The following ELMO1 variants were observed in gnomAD, a reference collection of about 807,000 sequenced individuals.
The protein encoded by ELMO1 is engulfment and cell motility 1.
In ELMO1, 26 loss-of-function variants were observed where a neutral mutation model predicts 98.9. The observed-to-expected ratio is 0.26, with a 90% CI of 0.19 to 0.36. The LOEUF is 0.36. ELMO1 is among the 10% of genes least tolerant of loss of function. The pLI is 1.00. For synonymous variants in ELMO1, 346 were observed against 346.0 expected (o/e 1.00, Z 0.00); for missense variants, 627 against 935.2 (o/e 0.67, Z 4.30).
At chr7:36,959,931 T>C (rs1170617065) in intron 16 of ELMO1, among the ~76,000 whole-genome samples, 2 of 152,184 alleles carry the variant, frequency 1.3e-5, no homozygotes, top group Non-Finnish European at 2.9e-5. Flanking sequence ...TCTGTCCACC[T>C]TGGCCTCCCA....
chr7:37,322,842 A>G (rs2717940), intron 2 of ELMO1, among the ~76,000 whole-genome samples: 148,060 of 152,198 alleles, frequency 0.97, 72,169 homozygotes, highest in Middle Eastern at 1. Context: ...TGGTATTGAG[A>G]CCAAATTATT....
At chr7:37,204,622 T>C (rs1467079296) in intron 13 of ELMO1, among the ~76,000 whole-genome samples, 1 of 152,230 alleles carries the variant, frequency 6.6e-6, no homozygotes, top group Non-Finnish European at 1.5e-5. Context: ...CTGCTTTTTT[T>C]TCCCTTCTTT....
intron 1 of ELMO1, among the ~76,000 whole-genome samples, chr7:37,373,347 C>T (rs947895075): frequency 3.9e-5 from 6 of 152,112 alleles, no homozygotes; most frequent in East Asian, 3.8e-4. Context: ...TGGCTCACAC[C>T]GGTAATCCCA....
intron 1 of ELMO1, among the ~76,000 whole-genome samples, chr7:37,399,750 T>C (rs973017892): frequency 2.6e-5 from 4 of 152,122 alleles, no homozygotes; most frequent in Admixed American, 6.6e-5. Context: ...TTAGGGGAGA[T>C]TACATGATCT....
chr7:36,952,964 CTTTTTTTTTTTT>C (rs70980904), intron 16 of ELMO1, among the ~76,000 whole-genome samples: 3 of 82,882 alleles, frequency 3.6e-5, no homozygotes, highest in South Asian at 4.1e-4. Flanking sequence ...AGTCACTACT[CTTTTTTTTTTTT>C]TTTTTTTTTT....
intron 21 of ELMO1, among the ~76,000 whole-genome samples, chr7:36,859,267 TAAATA>T (rs1352703960): frequency 6.6e-6 from 1 of 152,242 alleles, no homozygotes; most frequent in Non-Finnish European, 1.5e-5. Flanking sequence ...CATGGTTTAA[TAAATA>T]AATACCACAT....
chr7:36,874,329 T>C (rs1803772501), intron 19 of ELMO1, among the ~76,000 whole-genome samples: 1 of 152,256 alleles, frequency 6.6e-6, no homozygotes, highest in Admixed American at 6.5e-5. Flanking sequence ...GATCTTTCTC[T>C]ACTATTTACT....
intron 1 of ELMO1, among the ~76,000 whole-genome samples, chr7:37,367,239 A>C (rs930092058): frequency 1.3e-5 from 2 of 152,186 alleles, no homozygotes; most frequent in Non-Finnish European, 2.9e-5. Flanking sequence ...ACCTAATGCC[A>C]GTAAAATTGG....
chr7:37,362,379 C>T (rs978733638), intron 1 of ELMO1, among the ~76,000 whole-genome samples: 1 of 152,208 alleles, frequency 6.6e-6, no homozygotes, highest in Non-Finnish European at 1.5e-5. Context: ...GGGCCACCCA[C>T]TGTCCCCCAG....
intron 2 of ELMO1, among the ~76,000 whole-genome samples, chr7:37,338,388 G>A (rs1350237947): frequency 6.6e-6 from 1 of 152,146 alleles, no homozygotes; most frequent in Non-Finnish European, 1.5e-5. Context: ...CCTTTTGCCT[G>A]TGGGGAAACA....
At chr7:37,033,884 T>C (rs966957065) in intron 15 of ELMO1, among the ~76,000 whole-genome samples, 9 of 151,972 alleles carry the variant, frequency 5.9e-5, no homozygotes, top group African/African-American at 1.9e-4. Flanking sequence ...CAACAGAAGA[T>C]AAAGGGAGGA....
At chr7:37,208,003 G>A (rs1792735801) in intron 13 of ELMO1, among the ~76,000 whole-genome samples, 1 of 152,226 alleles carries the variant, frequency 6.6e-6, no homozygotes, top group Non-Finnish European at 1.5e-5. Context: ...GAAGGAATGT[G>A]ATGCCCATCT....
chr7:37,291,951 CACGGTCT>C (rs1562587206), intron 4 of ELMO1, among the ~76,000 whole-genome samples: 1 of 91,300 alleles, frequency 1.1e-5, no homozygotes, highest in Admixed American at 1.2e-4. Context: ...TCCCTCTGCC[CACGGTCT>C]CCCTCTCCCT....
At chr7:37,372,370 T>C (rs1802151543) in intron 1 of ELMO1, among the ~76,000 whole-genome samples, 2 of 152,090 alleles carry the variant, frequency 1.3e-5, no homozygotes, top group Admixed American at 1.3e-4. Context: ...GGCCTCAGTT[T>C]CCCCATTTGT....
At chr7:37,167,852 G>T (rs376492926) in intron 13 of ELMO1, among the ~76,000 whole-genome samples, 1 of 147,136 alleles carries the variant, frequency 6.8e-6, no homozygotes, top group Non-Finnish European at 1.5e-5. Flanking sequence ...TCTTTGTGGC[G>T]TTCTCTGTAT....
intron 1 of ELMO1, among the ~76,000 whole-genome samples, chr7:37,440,018 A>G (rs1805330699): frequency 6.6e-6 from 1 of 152,136 alleles, no homozygotes; most frequent in Non-Finnish European, 1.5e-5. Flanking sequence ...TCACACACAC[A>G]TATATGTACA....
At chr7:37,222,793 C>A (rs763348755) in intron 9 of ELMO1, 100 bp from the exon 10 acceptor site, 3 of 1,035,288 alleles carry the variant, frequency 2.9e-6, no homozygotes, top group South Asian at 3.0e-5. Flanking sequence ...CCCCCTCCCC[C>A]CAAAAAAAGT....
intron 15 of ELMO1, among the ~76,000 whole-genome samples, chr7:37,086,330 C>CTGTATG (rs1783770533): frequency 7.0e-6 from 1 of 143,082 alleles, no homozygotes; most frequent in South Asian, 2.3e-4. Flanking sequence ...CAATACATGA[C>CTGTATG]TGTGTGTGTG....
intron 16 of ELMO1, among the ~76,000 whole-genome samples, chr7:36,936,127 C>G (rs374574929): frequency 1.3e-5 from 2 of 152,110 alleles, no homozygotes; most frequent in East Asian, 1.9e-4. Context: ...TTTACTGTGA[C>G]AGTATTTGGT....
Sources: gnomAD v4.1 joint callset for allele counts (sites outside exome capture counted in the v4.1 genomes callset) on GRCh38, gnomAD v4.1.1 for gene constraint, MANE v1.5 for transcripts, NCBI Gene and HGNC (gene_info 2026-07-23, HGNC 2026-07-21) for gene names.